Variants in ATP2C1 observed in about 807,000 individuals in gnomAD.
ATP2C1 encodes ATPase secretory pathway Ca2+ transporting 1.
ATP2C1 carries 31 observed loss-of-function variants against 120.5 expected under a neutral mutation model. The observed-to-expected ratio is 0.26, with a 90% confidence interval of 0.19 to 0.35. The LOEUF is 0.35. ATP2C1 is among the 10% of genes least tolerant of loss of function. ATP2C1 has a pLI of 1.00. For synonymous variants in ATP2C1, 351 were observed against 358.7 expected (o/e 0.98, Z 0.24); for missense variants, 731 against 1,107.5 (o/e 0.66, Z 4.83).
chr3:130,940,391 C>G (rs1044911372), intron 6 of ATP2C1, among the ~76,000 whole-genome samples: 1 of 152,002 alleles, frequency 6.6e-6, no homozygotes, highest in Non-Finnish European at 1.5e-5. Context: ...TTCTAAATAA[C>G]CTTAGGTTTG....
intron 2 of ATP2C1, chr3:130,919,007 CAAACA>C: frequency 2.3e-6 from 1 of 440,036 alleles, no homozygotes; most frequent in South Asian, 1.7e-5. Context: ...AACAAACAAA[CAAACA>C]AAAAGCAGTA....
intron 1 of ATP2C1, among the ~76,000 whole-genome samples, chr3:130,861,983 A>T (rs1038512350): frequency 2.0e-5 from 3 of 151,844 alleles, no homozygotes; most frequent in East Asian, 1.9e-4. Context: ...AATTAAAAAA[A>T]TTTTTTTTGA....
chr3:130,924,576 C>T (rs1480288851), intron 2 of ATP2C1, among the ~76,000 whole-genome samples: 1 of 152,062 alleles, frequency 6.6e-6, no homozygotes, highest in African/African-American at 2.4e-5. Context: ...ATGAATTTCC[C>T]AGGTATTTTT....
In ATP2C1 at chr3:130,894,309, G is replaced by A. The variant is rs2069378268; in HGVS notation, c.-209G>A. The A allele has an allele frequency of 2.0e-6, 2 of 988,418 alleles. No homozygotes were observed. The highest frequency in any genetic ancestry group is 3.5e-5 in the African/African-American group (2 of 57,394). 61.2% of individuals were successfully genotyped at this position (988,418 alleles called of 1,614,324 possible). On this transcript the variant is annotated 5_prime_UTR_variant, in exon 1 of 28. Transcript: ENST00000510168. The surrounding 1 kb of genome is among the most constrained non-coding windows in gnomAD (Gnocchi z 4.5). ...CGAGCCCCGCGGCTGAGACCCCGCA[G>A]CCTGGAGGAGGGCTGTCCGGGGCTT...
intron 6 of ATP2C1, among the ~76,000 whole-genome samples, chr3:130,939,084 A>G (rs1002022250): frequency 1.3e-5 from 2 of 152,234 alleles, no homozygotes; most frequent in Non-Finnish European, 2.9e-5. Flanking sequence ...TGATTCTTAC[A>G]CACATGTGAC....
rs1298160996 is a variant in ATP2C1, at chr3:130,934,862, CTTG to C, written c.324+156_324+158del. On this transcript the variant is annotated intron_variant, in intron 5 of 27. Coordinates refer to ENST00000510168, the MANE Select transcript of ATP2C1 (RefSeq NM_001378687.1). ...TTTATTCTTTTTGTTGCGACAGTTT[CTTG>C]TTGTATTGCCCAGGCTAGAGTGCAG... is the stretch of plus-strand genomic sequence containing the variant. The C allele has an allele frequency of 3.8e-5, 25 of 663,314 alleles. No homozygotes were observed. The East Asian group carries it at 6.0e-4, about 16-fold the overall frequency. The allele number at this position is 663,314 out of a possible 1,614,324, so 41.1% of individuals were successfully genotyped here.
intron 2 of ATP2C1, among the ~76,000 whole-genome samples, chr3:130,903,600 ACTTT>A (rs777827965): frequency 2.0e-5 from 3 of 151,564 alleles, no homozygotes; most frequent in African/African-American, 4.8e-5. Context: ...ATCTAAAAAA[ACTTT>A]CTTTCTTTCT....
intron 17 of ATP2C1, among the ~76,000 whole-genome samples, chr3:130,971,935 C>T (rs2061333013): frequency 6.6e-6 from 1 of 152,168 alleles, no homozygotes; most frequent in Non-Finnish European, 1.5e-5. Flanking sequence ...TGGCATCTCC[C>T]TACTGTCATT....
At chr3:131,014,349 TGCTG>T in intron 26 of ATP2C1, 2 of 1,611,302 alleles carry the variant, frequency 1.2e-6, no homozygotes, top group Non-Finnish European at 1.7e-6. Context: ...TGCTAGCAGT[TGCTG>T]GCATAGTCCG....
In ATP2C1 at chr3:130,854,727, C is replaced by T. The variant is rs114944646; in HGVS notation, c.108+3799C>T. On this transcript the variant is annotated intron_variant, in intron 1 of 26. Transcript: ENST00000504381. ...CCCCTGGGCTACATATGGGTGCTAG[C>T]ACCAAACAATGAGAAGACAGTTTGT... Among the ~76,000 whole-genome samples, 907 of 152,314 alleles carry T rather than the reference C, an allele frequency of 6.0e-3. 12 individuals are homozygous for T. The highest frequency in any genetic ancestry group is 0.021 in the African/African-American group (858 of 41,554).
chr3:131,012,646 C>G (rs530675062), intron 26 of ATP2C1, among the ~76,000 whole-genome samples: 1 of 152,230 alleles, frequency 6.6e-6, no homozygotes, highest in East Asian at 1.9e-4. Flanking sequence ...CTACTCTTTT[C>G]TTGATTCTTC....
chr3:130,883,515 C>A (rs1405298971), intron 1 of ATP2C1, among the ~76,000 whole-genome samples: 1 of 151,048 alleles, frequency 6.6e-6, no homozygotes, highest in Non-Finnish European at 1.5e-5. Flanking sequence ...GGCTGGAGTG[C>A]AGCCTAGCTC....
At chr3:130,908,479 A>G (rs1314890893) in intron 2 of ATP2C1, among the ~76,000 whole-genome samples, 3 of 152,012 alleles carry the variant, frequency 2.0e-5, no homozygotes, top group Non-Finnish European at 4.4e-5. Flanking sequence ...TAAAAAAAAA[A>G]AACACCAGAA....
At chr3:130,876,683 C>T (rs1422466167) in intron 1 of ATP2C1, among the ~76,000 whole-genome samples, 1 of 152,054 alleles carries the variant, frequency 6.6e-6, no homozygotes, top group Non-Finnish European at 1.5e-5. Context: ...ATTGGAAATG[C>T]ATTGAATCTG....
At chr3:131,012,138 TTGA>T (rs2063339076) in intron 26 of ATP2C1, among the ~76,000 whole-genome samples, 1 of 152,128 alleles carries the variant, frequency 6.6e-6, no homozygotes, top group Non-Finnish European at 1.5e-5. Context: ...AGAAGCAGTG[TTGA>T]TGATAACCCA....
chr3:130,937,564 C>A, intron 6 of ATP2C1, 101 bp downstream of exon 6: 1 of 920,896 alleles, frequency 1.1e-6, no homozygotes, highest in Non-Finnish European at 1.8e-6. Flanking sequence ...TTGTAATGCC[C>A]ATCAGAACAA....
chr3:131,009,153 T>C (rs2063221374), intron 26 of ATP2C1, among the ~76,000 whole-genome samples: 2 of 152,216 alleles, frequency 1.3e-5, no homozygotes, highest in Admixed American at 1.3e-4. Flanking sequence ...TTAATCTGAA[T>C]AGGCTTAAGT....
At chr3:130,887,492 T>C (rs1054778707) in intron 1 of ATP2C1, among the ~76,000 whole-genome samples, 2 of 152,208 alleles carry the variant, frequency 1.3e-5, no homozygotes, top group Non-Finnish European at 2.9e-5. Flanking sequence ...AATCCTTGTA[T>C]GTCTACCTGA....
intron 26 of ATP2C1, chr3:131,014,202 C>CG: frequency 8.0e-7 from 1 of 1,243,256 alleles, no homozygotes. Flanking sequence ...TTTCTTCTGC[C>CG]TTTTTTTTTT....
Sources: gnomAD v4.1 joint callset for allele counts (sites outside exome capture counted in the v4.1 genomes callset) on GRCh38, gnomAD v4.1.1 for gene constraint, Gnocchi (gnomAD v3.1) non-coding constraint, MANE v1.5 for transcripts, NCBI Gene and HGNC (gene_info 2026-07-23, HGNC 2026-07-21) for gene names.